The following MTCL3 variants were observed in gnomAD, a reference collection of about 807,000 sequenced individuals.
MTCL3 encodes the protein MTCL family member 3, also known as microtubule cross-linking factor 3.
chr6:127,479,035 A>C, the MTCL3 span, among the ~76,000 whole-genome samples: 1 of 151,820 alleles, frequency 6.6e-6, no homozygotes, highest in East Asian at 1.9e-4. Flanking sequence ...AAAAAAAAAA[A>C]AAAAGAGAAA....
the MTCL3 span, among the ~76,000 whole-genome samples, chr6:127,507,666 A>C: frequency 6.6e-6 from 1 of 152,020 alleles, no homozygotes; most frequent in Non-Finnish European, 1.5e-5. Flanking sequence ...ACACAGTGAA[A>C]CCCTGTCTCT....
the MTCL3 span, chr6:127,515,114 A>C: frequency 2.2e-4 from 297 of 1,372,744 alleles, no homozygotes; most frequent in Admixed American, 2.9e-4. The surrounding 1 kb of genome is among the most constrained non-coding windows in gnomAD (Gnocchi z 4.3). Flanking sequence ...CACACCGTAC[A>C]CACCCCATTC....
chr6:127,477,889 A>G, the MTCL3 span, among the ~76,000 whole-genome samples: 8 of 152,204 alleles, frequency 5.3e-5, no homozygotes, highest in Non-Finnish European at 8.8e-5. Flanking sequence ...AGCACAGTCT[A>G]TATTCTGGCT....
the MTCL3 span, chr6:127,475,886 C>G: frequency 1.1e-5 from 18 of 1,613,644 alleles, 1 homozygote; most frequent in South Asian, 1.9e-4. The surrounding 1 kb of genome is among the most constrained non-coding windows in gnomAD (Gnocchi z 7.3). Context: ...CCGCTGAGCT[C>G]GTTGATCTGC....
the MTCL3 span, chr6:127,515,549 T>C: frequency 1.4e-6 from 2 of 1,466,594 alleles, no homozygotes; most frequent in African/African-American, 3.0e-5. The surrounding 1 kb of genome is among the most constrained non-coding windows in gnomAD (Gnocchi z 4.3). Context: ...AGCTTCTCCA[T>C]CTCCTCTTGC....
chr6:127,480,609 T>C, the MTCL3 span, among the ~76,000 whole-genome samples: 1 of 152,206 alleles, frequency 6.6e-6, no homozygotes, highest in Non-Finnish European at 1.5e-5. Flanking sequence ...TTTAAAAGCA[T>C]GTATTGAACA....
chr6:127,499,613 G>A, the MTCL3 span, among the ~76,000 whole-genome samples: 3 of 152,186 alleles, frequency 2.0e-5, no homozygotes, highest in African/African-American at 7.2e-5. Flanking sequence ...TTCTGGACAT[G>A]TTATAAACAA....
At chr6:127,516,183 C>A in the MTCL3 span, 104 of 1,434,028 alleles carry the variant, frequency 7.3e-5, no homozygotes, top group Non-Finnish European at 9.4e-5. Flanking sequence ...GAGGCGGCTC[C>A]TCGGGCGGTC....
the MTCL3 span, among the ~76,000 whole-genome samples, chr6:127,485,526 A>G: frequency 6.6e-6 from 1 of 152,172 alleles, no homozygotes; most frequent in Admixed American, 6.5e-5. Context: ...ACTGTCATAG[A>G]GATATACAAA....
At chr6:127,505,062 A>G in the MTCL3 span, among the ~76,000 whole-genome samples, 7 of 152,172 alleles carry the variant, frequency 4.6e-5, no homozygotes, top group Non-Finnish European at 1.0e-4. Context: ...TTGTTATCAC[A>G]TGGTCTTTGT....
At chr6:127,476,362 T>A in the MTCL3 span, 1 of 1,614,218 alleles carries the variant, frequency 6.2e-7, no homozygotes, top group Non-Finnish European at 8.5e-7. The surrounding 1 kb of genome is among the most constrained non-coding windows in gnomAD (Gnocchi z 4.4). Flanking sequence ...CTGGAGCTCG[T>A]GTTCAAATCT....
At chr6:127,498,498 G>A in the MTCL3 span, among the ~76,000 whole-genome samples, 1 of 152,122 alleles carries the variant, frequency 6.6e-6, no homozygotes, top group Non-Finnish European at 1.5e-5. Context: ...AAATGGTGCA[G>A]CCCCTTTGGA....
At chr6:127,512,945 T>C in the MTCL3 span, 3 of 1,612,640 alleles carry the variant, frequency 1.9e-6, no homozygotes, top group Non-Finnish European at 2.5e-6. Flanking sequence ...TTTCAACTTC[T>C]ATGAGCTGTT....
chr6:127,518,008 G>C, the MTCL3 span, among the ~76,000 whole-genome samples: 1 of 152,192 alleles, frequency 6.6e-6, no homozygotes, highest in Non-Finnish European at 1.5e-5. Context: ...TTAGCATGCA[G>C]TAATTCCTCA....
chr6:127,507,202 T>C, the MTCL3 span, among the ~76,000 whole-genome samples: 1 of 152,170 alleles, frequency 6.6e-6, no homozygotes, highest in Non-Finnish European at 1.5e-5. Flanking sequence ...AGATGGGAAC[T>C]GGGAATGTAC....
At chr6:127,495,601 G>A in the MTCL3 span, among the ~76,000 whole-genome samples, 1 of 152,164 alleles carries the variant, frequency 6.6e-6, no homozygotes, top group Non-Finnish European at 1.5e-5. Context: ...ACACTAAGGG[G>A]TGGGCATTAC....
At chr6:127,502,935 G>A in the MTCL3 span, among the ~76,000 whole-genome samples, 1 of 152,160 alleles carries the variant, frequency 6.6e-6, no homozygotes, top group African/African-American at 2.4e-5. Flanking sequence ...CACTTTTCTA[G>A]TCCTATGTTC....
the MTCL3 span, chr6:127,482,973 T>C: frequency 6.2e-7 from 1 of 1,608,148 alleles, no homozygotes; most frequent in Non-Finnish European, 8.5e-7. The surrounding 1 kb of genome is among the most constrained non-coding windows in gnomAD (Gnocchi z 4.1). Flanking sequence ...TTCCTCTTCT[T>C]TTTAAGGATA....
chr6:127,476,247 C>T, the MTCL3 span: 2 of 1,614,184 alleles, frequency 1.2e-6, no homozygotes, highest in Non-Finnish European at 1.7e-6. This position sits in a 1 kb window ranked among gnomAD's most constrained non-coding sequence, Gnocchi z 4.4. Context: ...CTTCCTCCAC[C>T]AGCCTTAGCC....
Sources: allele counts gnomAD v4.1 joint callset (sites outside exome capture counted in the v4.1 genomes callset), GRCh38; gene constraint gnomAD v4.1.1; non-coding constraint Gnocchi (gnomAD v3.1); transcripts MANE v1.5; gene names NCBI Gene and HGNC (gene_info 2026-07-23, HGNC 2026-07-21).